WDR19: variants seen among roughly 807,000 people sequenced by gnomAD.
WDR19 encodes WD repeat-containing protein 19.
Under a neutral mutation model 180.0 loss-of-function variants are expected in WDR19, and 121 were observed. The ratio of observed to expected loss-of-function variants is 0.67; its 90% CI spans 0.58 to 0.78. The LOEUF is 0.78. WDR19 is among the 30% of genes least tolerant of loss of function. WDR19 has a pLI of 0.00. For synonymous variants in WDR19, 497 were observed against 540.7 expected, an observed-to-expected ratio of 0.92 and a Z score of 1.12; for missense variants, 1,450 against 1,640.7, an observed-to-expected ratio of 0.88 and a Z score of 2.01.
intron 9 of WDR19, chr4:39,205,954 G>C: frequency 2.1e-6 from 1 of 470,380 alleles, no homozygotes; most frequent in Admixed American, 3.6e-5. Flanking sequence ...TGGGTAACAT[G>C]GAGTAAGCAC....
At chr4:39,271,682 A>G (rs911035705) in intron 31 of WDR19, among the ~76,000 whole-genome samples, 1 of 152,192 alleles carries the variant, frequency 6.6e-6, no homozygotes, top group Non-Finnish European at 1.5e-5. Flanking sequence ...TATTTTTTCA[A>G]ATATTCATTT....
intron 34 of WDR19, 27 bp downstream of exon 34, chr4:39,277,170 T>C (rs1220941900): frequency 6.4e-7 from 1 of 1,574,422 alleles, no homozygotes; most frequent in Non-Finnish European, 8.6e-7. Context: ...TAATTTCCCT[T>C]TCTTTGCATA....
intron 26 of WDR19, 90 bp downstream of exon 26, chr4:39,254,120 T>C (rs1479320488): frequency 1.5e-6 from 2 of 1,312,662 alleles, no homozygotes; most frequent in Non-Finnish European, 2.1e-6. Flanking sequence ...TTGGTATACA[T>C]ACAAGAATGC....
chr4:39,228,131 T>G (rs1203590833), intron 15 of WDR19, 79 bp from the exon 16 acceptor site: 1 of 1,532,572 alleles, frequency 6.5e-7, no homozygotes. Flanking sequence ...CAGCTAAGGC[T>G]GCAAACAGGC....
chr4:39,253,304 C>T lies in WDR19; in HGVS notation c.2876+12C>T, dbSNP rs761288665. 2 of 1,603,094 alleles carry T rather than the reference C, an allele frequency of 1.2e-6. No homozygotes were observed. Among genetic ancestry groups the T allele is most frequent in the Admixed American group, 1.8e-5 (1 of 57,040 alleles). On this transcript the variant is annotated intron_variant, in intron 25 of 36. Coordinates refer to ENST00000399820, the MANE Select transcript of WDR19 (RefSeq NM_025132.4). ...AAAATGGTAGCCAGGTAACATAATA[C>T]ATTAATATTTTTGGACTTTCAAAAA...
At chr4:39,278,101 G>C in intron 34 of WDR19, 30 bp from the exon 35 acceptor site, 1 of 1,542,592 alleles carries the variant, frequency 6.5e-7, no homozygotes, top group Non-Finnish European at 8.8e-7. Context: ...AAATAAAGAT[G>C]AATTTAACTC....
intron 9 of WDR19, among the ~76,000 whole-genome samples, chr4:39,206,573 T>C (rs538390509): frequency 6.6e-6 from 1 of 152,268 alleles, no homozygotes; most frequent in South Asian, 2.1e-4. Context: ...TTAGGAGACC[T>C]AGGGATTGGA....
At chr4:39,252,521 T>TA (rs150973465) in intron 24 of WDR19, among the ~76,000 whole-genome samples, 2 of 150,914 alleles carry the variant, frequency 1.3e-5, no homozygotes, top group African/African-American at 4.9e-5. Context: ...TAAAAAATAA[T>TA]AAAAAAAAAT....
At chr4:39,238,428 G>T (rs1731582127) in intron 20 of WDR19, among the ~76,000 whole-genome samples, 1 of 152,170 alleles carries the variant, frequency 6.6e-6, no homozygotes, top group Non-Finnish European at 1.5e-5. Context: ...TAAAAATAAA[G>T]TGAGAGTTCC....
In WDR19 at chr4:39,186,204, G is replaced by T. The variant is rs189770351; in HGVS notation, c.99-335G>T. ...TAAATGAAAGAAACATTTAGGCCAGGTGCAGTGGCTCATGCCAATAATCCC... is the reference window on the plus strand; with the variant it reads ...TAAATGAAAGAAACATTTAGGCCAGTTGCAGTGGCTCATGCCAATAATCCC... On this transcript the variant is annotated intron_variant, in intron 2 of 36. Transcript: ENST00000399820. Among the ~76,000 whole-genome samples the T allele has an allele frequency of 7.1e-3, 1,087 of 152,178 alleles. 4 individuals carry two copies. The highest frequency in any genetic ancestry group is 0.012 in the Non-Finnish European group (828 of 67,992).
chr4:39,232,127 AT>A (rs760544707), intron 18 of WDR19, 34 bp from the exon 19 acceptor site: 29 of 1,563,612 alleles, frequency 1.9e-5, no homozygotes, highest in Non-Finnish European at 2.2e-5. Context: ...AAACTCTTGC[AT>A]TTTTTTTCTC....
At chr4:39,196,935 A>G (rs1220896949) in intron 5 of WDR19, among the ~76,000 whole-genome samples, 6 of 152,212 alleles carry the variant, frequency 3.9e-5, no homozygotes, top group Non-Finnish European at 8.8e-5. Context: ...TGCTTTCTGC[A>G]TAGGTACTGT....
chr4:39,271,873 G>C (rs1735416037), intron 31 of WDR19, among the ~76,000 whole-genome samples: 1 of 152,150 alleles, frequency 6.6e-6, no homozygotes, highest in Non-Finnish European at 1.5e-5. Context: ...CCACTAACCT[G>C]GCTATGGAGC....
In WDR19 at chr4:39,277,006, A is replaced by T; in HGVS notation, c.3717-14A>T. ...TAAAACGGCATTTTTAAATGACATG[A>T]TTCTTCCTCACAGGAGACCCGATAT... On this transcript the variant is annotated splice_polypyrimidine_tract_variant and intron_variant, in intron 33 of 36. Transcript: ENST00000399820. 1 of 1,610,792 alleles carries T rather than the reference A, an allele frequency of 6.2e-7. No homozygotes were observed.
intron 17 of WDR19, among the ~76,000 whole-genome samples, chr4:39,230,194 A>G (rs568680277): frequency 6.6e-6 from 1 of 152,290 alleles, no homozygotes; most frequent in East Asian, 1.9e-4. Flanking sequence ...ACACCAGCTC[A>G]ACTGTCTCCA....
intron 36 of WDR19, among the ~76,000 whole-genome samples, chr4:39,283,668 TTTAG>T (rs1234215483): frequency 2.6e-5 from 4 of 152,308 alleles, no homozygotes; most frequent in African/African-American, 9.6e-5. Context: ...ATAATTTTTC[TTTAG>T]TTGTGTCTTT....
intron 24 of WDR19, among the ~76,000 whole-genome samples, chr4:39,252,415 G>A (rs1179367941): frequency 2.7e-5 from 4 of 149,072 alleles, no homozygotes; most frequent in African/African-American, 5.0e-5. Context: ...GCTAAATGAC[G>A]AGTTAATGGG....
chr4:39,212,507 G>A (rs947501275), intron 9 of WDR19, among the ~76,000 whole-genome samples: 2 of 152,188 alleles, frequency 1.3e-5, no homozygotes, highest in Admixed American at 1.3e-4. Flanking sequence ...AAGATGAAAA[G>A]ATGGCCGGAC....
intron 1 of WDR19, 51 bp downstream of exon 1, chr4:39,182,614 C>T (rs1725056401): frequency 8.1e-6 from 13 of 1,612,364 alleles, no homozygotes; most frequent in South Asian, 1.1e-5. Context: ...CGACTACTGG[C>T]CCTTGGTCGC....
Sources: gnomAD v4.1 joint callset for allele counts (sites outside exome capture counted in the v4.1 genomes callset) on GRCh38, gnomAD v4.1.1 for gene constraint, MANE v1.5 for transcripts, NCBI Gene and HGNC (gene_info 2026-07-23, HGNC 2026-07-21) for gene names.